SPATA16: variants seen among roughly 807,000 people sequenced by gnomAD.
The protein encoded by SPATA16 is spermatogenesis associated 16.
SPATA16 carries 36 observed loss-of-function variants against 63.3 expected under a neutral mutation model. The observed-to-expected ratio is 0.57, with a 90% CI of 0.44 to 0.75. SPATA16 has a LOEUF of 0.75. Ranked by LOEUF, SPATA16 falls within the 30% of genes least tolerant of loss-of-function variation. The pLI, the probability that SPATA16 is intolerant of heterozygous loss-of-function variation, is 0.00. For synonymous variants in SPATA16, 203 were observed against 216.7 expected (o/e 0.94, Z 0.56); for missense variants, 646 against 679.3 (o/e 0.95, Z 0.54).
chr3:172,913,602 C>A, intron 10 of SPATA16, 59 bp downstream of exon 10: 1 of 1,544,404 alleles, frequency 6.5e-7, no homozygotes, highest in Non-Finnish European at 8.9e-7. Flanking sequence ...CAGATTTGAC[C>A]CAAAATGGAC....
rs112424510 is a variant in SPATA16, at chr3:172,947,644, T to A, written c.1081+9033A>T. On this transcript the variant is annotated intron_variant, in intron 6 of 10. Transcript: ENST00000351008. Reference sequence around the variant, plus strand: ...GTCTTTGCAGGGACATGGATGAAGCTGGAAACCATCATTCTCAGCAAACTA... The same window carrying A: ...GTCTTTGCAGGGACATGGATGAAGCAGGAAACCATCATTCTCAGCAAACTA... Among the ~76,000 whole-genome samples the A allele has an allele frequency of 9.8e-3, 1,491 of 152,252 alleles. 21 individuals carry two copies. The highest frequency in any genetic ancestry group is 0.033 in the African/African-American group (1,363 of 41,532).
chr3:172,982,855 C>A (rs970441005), intron 4 of SPATA16, among the ~76,000 whole-genome samples: 11 of 152,104 alleles, frequency 7.2e-5, no homozygotes, highest in African/African-American at 2.7e-4. Flanking sequence ...TTCTCAAGGC[C>A]TATGTTCAGA....
chr3:173,101,961 A>G (rs552233398), intron 2 of SPATA16, among the ~76,000 whole-genome samples: 3 of 152,312 alleles, frequency 2.0e-5, no homozygotes, highest in Admixed American at 2.0e-4. Flanking sequence ...ATCACAATTA[A>G]TGGTTCTCCC....
At chr3:172,913,635 C>A (rs1458556321) in intron 10 of SPATA16, 26 bp downstream of exon 10, 14 of 1,604,778 alleles carry the variant, frequency 8.7e-6, no homozygotes, top group Admixed American at 1.7e-5. Context: ...AATAATAGAT[C>A]TTTTTCCTTC....
At chr3:172,892,085 A>C (rs76114538) in intron 10 of SPATA16, among the ~76,000 whole-genome samples, 14,813 of 152,148 alleles carry the variant, frequency 0.097, 816 homozygotes, top group African/African-American at 0.14. Context: ...GTTTTTCCAT[A>C]TTTAAGTCAT....
At chr3:172,969,131 CACTT>C (rs10524739) in intron 5 of SPATA16, among the ~76,000 whole-genome samples, 45,748 of 151,814 alleles carry the variant, frequency 0.3, 7,536 homozygotes, top group Middle Eastern at 0.39. Flanking sequence ...CTAGATGTGA[CACTT>C]AAGCAGCCAA....
chr3:172,948,574 C>A (rs1221448955), intron 6 of SPATA16, among the ~76,000 whole-genome samples: 1 of 151,914 alleles, frequency 6.6e-6, no homozygotes, highest in Non-Finnish European at 1.5e-5. Flanking sequence ...CTCAAGTGAC[C>A]CTCCCACTCA....
intron 6 of SPATA16, among the ~76,000 whole-genome samples, chr3:172,941,682 T>C (rs1204512147): frequency 1.3e-5 from 2 of 152,122 alleles, no homozygotes; most frequent in Non-Finnish European, 2.9e-5. Flanking sequence ...TTCCAAAGGA[T>C]GCACTTTAGA....
chr3:173,058,967 TC>T (rs1398743228), intron 2 of SPATA16, among the ~76,000 whole-genome samples: 1 of 152,058 alleles, frequency 6.6e-6, no homozygotes, highest in Admixed American at 6.5e-5. Flanking sequence ...GTTCAGGTTT[TC>T]CACATTTTGC....
In SPATA16 at chr3:173,105,108, C is replaced by T. The variant is rs180708756; in HGVS notation, c.612+12012G>A. Among the ~76,000 whole-genome samples, 11 of 152,252 alleles carry T rather than the reference C, an allele frequency of 7.2e-5. No individual in the cohort carries two copies. The East Asian group carries it at 1.4e-3, about 19-fold the overall frequency. ...GGTGGTCTATTCTTTTAACATGAGTCGTTGAAACTACATCATATGCTCTAC... is the reference window on the plus strand; with the variant it reads ...GGTGGTCTATTCTTTTAACATGAGTTGTTGAAACTACATCATATGCTCTAC... On this transcript the variant is annotated intron_variant, in intron 2 of 10. Coordinates refer to ENST00000351008, the MANE Select transcript of SPATA16 (RefSeq NM_031955.6).
In SPATA16 at chr3:173,135,069, A is replaced by T. The variant is rs150783980; in HGVS notation, c.-19+6034T>A. Among the ~76,000 whole-genome samples, 379 of 152,328 alleles carry T rather than the reference A, an allele frequency of 2.5e-3. 13 individuals carry two copies. In the East Asian group the frequency reaches 0.054, roughly 22 times the overall value. On this transcript the variant is annotated intron_variant, in intron 1 of 10. Coordinates refer to ENST00000351008, the MANE Select transcript of SPATA16 (RefSeq NM_031955.6). Reference sequence around the variant, plus strand: ...AAAATATCTGTAGTACATATATTTGACGTGGACTTGTATCCAGAATATATA... The same window carrying T: ...AAAATATCTGTAGTACATATATTTGTCGTGGACTTGTATCCAGAATATATA...
At chr3:173,018,147 T>C (rs1319809555) in intron 4 of SPATA16, among the ~76,000 whole-genome samples, 2 of 152,208 alleles carry the variant, frequency 1.3e-5, no homozygotes, top group South Asian at 4.1e-4. Context: ...TGTGGCATTT[T>C]GGTTGTTTGA....
At chr3:172,960,891 CTCCT>C (rs1315468517) in intron 5 of SPATA16, among the ~76,000 whole-genome samples, 1 of 81,100 alleles carries the variant, frequency 1.2e-5, no homozygotes, top group African/African-American at 5.1e-5. Context: ...CTTTCTCTCT[CTCCT>C]TCCTTCCTTC....
chr3:173,065,398 G>A lies in SPATA16; in HGVS notation c.613-16304C>T, dbSNP rs867201134. On this transcript the variant is annotated intron_variant, in intron 2 of 10. Coordinates refer to ENST00000351008, the MANE Select transcript of SPATA16 (RefSeq NM_031955.6). Reference sequence around the variant, plus strand: ...GACATCTGGTTAATATCCCAATTTCGAGATCAGTATTTCTAACAAGAATTT... The same window carrying A: ...GACATCTGGTTAATATCCCAATTTCAAGATCAGTATTTCTAACAAGAATTT... Among the ~76,000 whole-genome samples the A allele has an allele frequency of 7.9e-5, 12 of 152,096 alleles. 1 individual carries two copies. The Middle Eastern group carries it at 0.017, about 216-fold the overall frequency.
intron 2 of SPATA16, among the ~76,000 whole-genome samples, chr3:173,078,657 T>C (rs536423222): frequency 3.3e-5 from 5 of 152,204 alleles, no homozygotes; most frequent in Non-Finnish European, 5.9e-5. Flanking sequence ...CCAGTCTAAC[T>C]TGACTTCCCA....
chr3:173,041,686 A>G (rs538584609), intron 3 of SPATA16, among the ~76,000 whole-genome samples: 1 of 152,214 alleles, frequency 6.6e-6, no homozygotes, highest in East Asian at 1.9e-4. Flanking sequence ...GTTTAAGTTC[A>G]TCCGAGATCA....
rs182327935 is a variant in SPATA16 at position 173,008,074 on chromosome 3, G to A, written c.848+11412C>T. ...GATTTCAGTGCATTTTCAAATTTTC[G>A]AAAACGAAAGACATGGAATGGTTTA... On this transcript the variant is annotated intron_variant, in intron 4 of 10. Transcript: ENST00000351008. Among the ~76,000 whole-genome samples the A allele has an allele frequency of 1.8e-3, 266 of 151,774 alleles. 2 individuals carry two copies. The highest frequency in any genetic ancestry group is 7.9e-4 in the Admixed American group (12 of 15,256).
chr3:172,945,772 G>T (rs1397024761), intron 6 of SPATA16, among the ~76,000 whole-genome samples: 1 of 152,212 alleles, frequency 6.6e-6, no homozygotes, highest in African/African-American at 2.4e-5. Context: ...ATGGGCTAAA[G>T]AAGCTCTGGG....
intron 4 of SPATA16, among the ~76,000 whole-genome samples, chr3:172,993,794 T>C (rs1171685940): frequency 6.6e-6 from 1 of 152,140 alleles, no homozygotes; most frequent in Admixed American, 6.6e-5. Context: ...TGCTAACCTC[T>C]TTGTACCATG....
Sources: allele counts gnomAD v4.1 joint callset (sites outside exome capture counted in the v4.1 genomes callset), GRCh38; gene constraint gnomAD v4.1.1; transcripts MANE v1.5; gene names NCBI Gene and HGNC (gene_info 2026-07-23, HGNC 2026-07-21).